PCDHA3: variants seen among roughly 807,000 people sequenced by gnomAD.
PCDHA3 encodes the protein protocadherin alpha-3.
In PCDHA3, 41 loss-of-function variants were observed where a neutral mutation model predicts 62.2. The observed-to-expected ratio is 0.66, with a 90% CI of 0.51 to 0.86. The LOEUF is 0.86. Ranked by LOEUF, PCDHA3 falls within the 40% of genes least tolerant of loss-of-function variation. The pLI is 0.00. For missense variants in PCDHA3, 1,304 were observed against 1,241.2 expected (o/e 1.05, Z -0.76); for synonymous variants, 640 against 555.4 (o/e 1.15, Z -2.14).
At position 140,858,437 on chromosome 5, in the gene PCDHA3, G is replaced by T. The variant is rs1343643925; in HGVS notation, c.2394+54846G>T. The T allele has an allele frequency of 4.5e-6, 7 of 1,541,950 alleles. 1 individual carries two copies. In the Admixed American group the frequency reaches 1.4e-4, roughly 30 times the overall value. Reference sequence around the variant, plus strand: ...TATTGGAGGGGACCACTCTAGGAAGGTGGGTTATTACGTTTTCATTTTCCT... The same window carrying T: ...TATTGGAGGGGACCACTCTAGGAAGTTGGGTTATTACGTTTTCATTTTCCT... On this transcript the variant is annotated intron_variant, in intron 1 of 3. Coordinates refer to ENST00000522353, the MANE Select transcript of PCDHA3 (RefSeq NM_018906.3).
chr5:140,829,158 C>T, intron 1 of PCDHA3: 1 of 1,614,016 alleles, frequency 6.2e-7, no homozygotes, highest in East Asian at 2.2e-5. Flanking sequence ...ACTTCCTTAT[C>T]CTTGCCTGTA....
intron 3 of PCDHA3, among the ~76,000 whole-genome samples, chr5:140,990,570 C>T (rs142596715): frequency 7.2e-4 from 110 of 152,260 alleles, no homozygotes; most frequent in African/African-American, 2.4e-3. Context: ...CACACCTGTT[C>T]GATCTCTTTT....
At chr5:140,968,507 T>A in intron 1 of PCDHA3, 1 of 1,614,178 alleles carries the variant, frequency 6.2e-7, no homozygotes, top group South Asian at 1.1e-5. Context: ...TCACATTCTG[T>A]ACCCTACCTC....
chr5:140,868,980 G>A (rs2050777662), intron 1 of PCDHA3: 2 of 1,489,988 alleles, frequency 1.3e-6, no homozygotes, highest in South Asian at 2.8e-5. Flanking sequence ...CCATCATACC[G>A]GATGCCACCG....
At chr5:140,851,106 C>G in intron 1 of PCDHA3, 1 of 1,294,794 alleles carries the variant, frequency 7.7e-7, no homozygotes, top group South Asian at 2.7e-5. Context: ...TTTTTGGGTG[C>G]TGAATCAATT....
intron 1 of PCDHA3, chr5:140,822,964 G>C: frequency 6.2e-7 from 1 of 1,614,232 alleles, no homozygotes; most frequent in Admixed American, 1.7e-5. Context: ...CTTCAAGCTG[G>C]TGTCCACCTT....
intron 1 of PCDHA3, among the ~76,000 whole-genome samples, chr5:140,878,696 A>G (rs570754583): frequency 6.6e-6 from 1 of 152,360 alleles, no homozygotes; most frequent in East Asian, 1.9e-4. Context: ...TACATACCCC[A>G]GCCTGGTAGT....
chr5:140,953,858 T>C (rs568873240), intron 1 of PCDHA3, among the ~76,000 whole-genome samples: 10 of 152,328 alleles, frequency 6.6e-5, no homozygotes, highest in African/African-American at 1.9e-4. Flanking sequence ...TGTGCCATGG[T>C]GGTTTGCTGC....
chr5:140,877,224 G>C (rs986695805), intron 1 of PCDHA3: 6 of 1,613,712 alleles, frequency 3.7e-6, no homozygotes, highest in Admixed American at 1.7e-5. Flanking sequence ...TACCGCGGTC[G>C]GTGGGTGCGG....
At chr5:140,855,488 C>T (rs569322371) in intron 1 of PCDHA3, among the ~76,000 whole-genome samples, 1 of 149,546 alleles carries the variant, frequency 6.7e-6, no homozygotes. Flanking sequence ...ACATTAGTGT[C>T]TAAATAAACC....
chr5:140,950,028 A>G (rs1288516742), intron 1 of PCDHA3, among the ~76,000 whole-genome samples: 6 of 151,954 alleles, frequency 3.9e-5, no homozygotes, highest in Non-Finnish European at 8.8e-5. Flanking sequence ...TAAAATATAG[A>G]AAAGTTACAA....
intron 1 of PCDHA3, chr5:140,841,917 C>T (rs1777584856): frequency 1.2e-6 from 2 of 1,613,834 alleles, no homozygotes; most frequent in Admixed American, 1.7e-5. Context: ...TTAAGAAAAT[C>T]CTTGGACAGA....
chr5:140,887,955 CTTTT>C (rs2061644555), intron 1 of PCDHA3, among the ~76,000 whole-genome samples: 2 of 152,088 alleles, frequency 1.3e-5, no homozygotes, highest in African/African-American at 4.8e-5. Flanking sequence ...GTATAAGATT[CTTTT>C]TGTCTCTTTT....
intron 1 of PCDHA3, among the ~76,000 whole-genome samples, chr5:140,959,833 T>C (rs539062460): frequency 1.3e-5 from 2 of 152,366 alleles, no homozygotes; most frequent in East Asian, 3.9e-4. Context: ...TAATGTATTA[T>C]GCCTGTAACT....
At chr5:140,927,564 GGACACAAAT>G in intron 1 of PCDHA3, 1 of 1,614,150 alleles carries the variant, frequency 6.2e-7, no homozygotes, top group Admixed American at 1.7e-5. Context: ...TCATTGTGGT[GGACACAAAT>G]GACAACGCGC....
intron 1 of PCDHA3, among the ~76,000 whole-genome samples, chr5:140,950,045 A>G (rs1293026782): frequency 1.3e-5 from 2 of 151,934 alleles, no homozygotes; most frequent in Non-Finnish European, 2.9e-5. Context: ...ACAACCATAT[A>G]AGACTATTTA....
intron 1 of PCDHA3, among the ~76,000 whole-genome samples, chr5:140,914,464 A>T (rs923814955): frequency 5.9e-5 from 9 of 152,130 alleles, no homozygotes; most frequent in Non-Finnish European, 1.3e-4. Flanking sequence ...GTCTATGTGT[A>T]TCTTCATAGG....
chr5:140,968,951 A>G, intron 1 of PCDHA3: 4 of 1,614,228 alleles, frequency 2.5e-6, no homozygotes, highest in Non-Finnish European at 3.4e-6. Context: ...TTTGAGCATC[A>G]TCAAGTGCTA....
At chr5:140,950,006 G>A (rs2094439907) in intron 1 of PCDHA3, among the ~76,000 whole-genome samples, 1 of 151,676 alleles carries the variant, frequency 6.6e-6, no homozygotes, top group African/African-American at 2.4e-5. Context: ...ACTTAATAGT[G>A]TACAACCTTC....
Sources: allele counts gnomAD v4.1 joint callset (sites outside exome capture counted in the v4.1 genomes callset), GRCh38; gene constraint gnomAD v4.1.1; transcripts MANE v1.5; gene names NCBI Gene and HGNC (gene_info 2026-07-23, HGNC 2026-07-21).